Variants in KIAA1217 observed in about 807,000 individuals in gnomAD.
The protein encoded by KIAA1217 is sickle tail protein homolog.
In KIAA1217, 88 loss-of-function variants were observed where a neutral mutation model predicts 163.9. The ratio of observed to expected loss-of-function variants is 0.54; its 90% CI spans 0.45 to 0.64. The LOEUF (loss-of-function observed/expected upper bound fraction) is 0.64, where lower values mean the gene tolerates loss of function less well. KIAA1217 is among the 30% of genes least tolerant of loss of function. KIAA1217 has a pLI of 0.00. For synonymous variants in KIAA1217, 903 were observed against 923.1 expected, an observed-to-expected ratio of 0.98 and a Z score of 0.39; for missense variants, 2,372 against 2,475.0, an observed-to-expected ratio of 0.96 and a Z score of 0.88.
At chr10:23,951,039 T>A (rs1844313035) in intron 1 of KIAA1217, among the ~76,000 whole-genome samples, 1 of 152,200 alleles carries the variant, frequency 6.6e-6, no homozygotes. Context: ...AATTATGGTC[T>A]AGTATAAGAG....
intron 1 of KIAA1217, among the ~76,000 whole-genome samples, chr10:23,764,236 A>G (rs557617172): frequency 1.8e-4 from 27 of 152,356 alleles, no homozygotes; most frequent in Admixed American, 7.2e-4. Context: ...AAGAAATGAA[A>G]ATAAAAACCA....
intron 2 of KIAA1217, among the ~76,000 whole-genome samples, chr10:24,135,798 T>A (rs1291367949): frequency 6.6e-6 from 1 of 152,186 alleles, no homozygotes; most frequent in East Asian, 1.9e-4. Flanking sequence ...TTTCTCCGTG[T>A]ATCAAATAGG....
intron 1 of KIAA1217, among the ~76,000 whole-genome samples, chr10:23,737,727 TTGTGAG>T (rs1838893210): frequency 6.6e-6 from 1 of 152,324 alleles, no homozygotes; most frequent in South Asian, 2.1e-4. Flanking sequence ...TTATTTACAT[TTGTGAG>T]AATACATTAT....
intron 2 of KIAA1217, among the ~76,000 whole-genome samples, chr10:24,014,905 A>G (rs1847404659): frequency 6.6e-6 from 1 of 152,124 alleles, no homozygotes; most frequent in Non-Finnish European, 1.5e-5. Context: ...TGAGAATTAA[A>G]CAGAATACAG....
chr10:23,984,103 T>G (rs1370917996), intron 1 of KIAA1217, among the ~76,000 whole-genome samples: 1 of 152,206 alleles, frequency 6.6e-6, no homozygotes, highest in East Asian at 1.9e-4. Context: ...TAAAAGAATA[T>G]TCTTTGATTA....
chr10:23,931,750 G>A, intron 1 of KIAA1217, among the ~76,000 whole-genome samples: 1 of 152,160 alleles, frequency 6.6e-6, no homozygotes, highest in Non-Finnish European at 1.5e-5. Flanking sequence ...ATATATGGCA[G>A]ATATGCAGTT....
chr10:24,002,737 T>C (rs1472455409), intron 1 of KIAA1217, among the ~76,000 whole-genome samples: 3 of 152,174 alleles, frequency 2.0e-5, no homozygotes, highest in Non-Finnish European at 4.4e-5. Flanking sequence ...TCTGAGATTT[T>C]GGTGCACCTG....
chr10:24,316,201 T>C (rs2043344787), intron 2 of KIAA1217, among the ~76,000 whole-genome samples: 1 of 152,168 alleles, frequency 6.6e-6, no homozygotes, highest in South Asian at 2.1e-4. Flanking sequence ...GAGCTGTTCA[T>C]CAGTTGTTAA....
chr10:24,406,979 C>A (rs756432841), intron 3 of KIAA1217, among the ~76,000 whole-genome samples: 4 of 152,146 alleles, frequency 2.6e-5, no homozygotes, highest in Non-Finnish European at 4.4e-5. Flanking sequence ...ACTGGGTGAG[C>A]GCAGAGCCTT....
chr10:24,026,627 T>C (rs1286647224), intron 2 of KIAA1217, among the ~76,000 whole-genome samples: 1 of 151,770 alleles, frequency 6.6e-6, no homozygotes, highest in East Asian at 1.9e-4. Flanking sequence ...GTGATTCTCC[T>C]TTTTTTCTCA....
chr10:23,771,756 G>T (rs1241044427), intron 1 of KIAA1217, among the ~76,000 whole-genome samples: 2 of 152,152 alleles, frequency 1.3e-5, no homozygotes, highest in Admixed American at 1.3e-4. Context: ...CTTGGAAGTG[G>T]CACATATCAC....
In KIAA1217 at chr10:24,438,445, A is replaced by G; in HGVS notation, c.812A>G (p.Asn271Ser). ...AACAAGGATCCTGCACATGCGTTTA[A>G]TCACACACCAAAAACTATGAATGGA... is the stretch of plus-strand genomic sequence containing the variant. Reference protein sequence around the residue: ...VYNKDPAHAFNHTPKTMNGDM... With the variant: ...VYNKDPAHAFSHTPKTMNGDM... Residue 271 changes from asparagine to serine, a missense_variant, in exon 5 of 21, where the codon AAT becomes AGT. Physicochemically the swap from Asn to Ser is conservative, Grantham distance 46. This residue lies in a region of KIAA1217 where 1,431 missense variants were observed against 1,470.3 expected (regional missense o/e 0.97). Transcript: ENST00000376454. 6.2e-7 allele frequency: 1 copy of G among 1,613,228 alleles called. No homozygotes were observed. Among genetic ancestry groups the G allele is most frequent in the Non-Finnish European group, 8.5e-7 (1 of 1,179,174 alleles).
intron 2 of KIAA1217, among the ~76,000 whole-genome samples, chr10:24,022,776 A>G (rs1274850319): frequency 6.6e-6 from 1 of 151,762 alleles, no homozygotes; most frequent in Admixed American, 6.6e-5. Flanking sequence ...TTATGTAGTG[A>G]TAAAAATCAA....
At position 24,381,042 on chromosome 10, in the gene KIAA1217, C is replaced by T. The variant is rs750763828; in HGVS notation, c.528C>T (p.Thr176=). 8.9e-6 allele frequency: 14 copies of T among 1,578,868 alleles called. No individual in the cohort carries two copies. Among genetic ancestry groups the T allele is most frequent in the African/African-American group, 1.4e-5 (1 of 73,580 alleles). The change falls in exon 3 of 21, where the codon ACC becomes ACT. Residue 176 remains threonine, a synonymous_variant. Transcript: ENST00000376454. ...TRASLPVVRS[T]NQTKERSLGV... Reference sequence around the variant, plus strand: ...CGAGCCTTCCTGTGGTGAGGTCAACCAACCAGACGAAAGAAAGATCTCTGG... The same window carrying T: ...CGAGCCTTCCTGTGGTGAGGTCAACTAACCAGACGAAAGAAAGATCTCTGG...
intron 2 of KIAA1217, among the ~76,000 whole-genome samples, chr10:24,168,897 A>G (rs545931847): frequency 6.1e-4 from 93 of 152,344 alleles, no homozygotes; most frequent in Non-Finnish European, 1.2e-3. Flanking sequence ...TGGATCATCA[A>G]GCAGTGGCTC....
intron 3 of KIAA1217, among the ~76,000 whole-genome samples, chr10:24,426,730 G>A (rs1402156363): frequency 2.0e-5 from 3 of 152,198 alleles, no homozygotes; most frequent in Non-Finnish European, 4.4e-5. Context: ...AGTAGTAATG[G>A]GGGAAGATTG....
chr10:24,527,073 T>C (rs181972433), intron 13 of KIAA1217, among the ~76,000 whole-genome samples: 1 of 152,282 alleles, frequency 6.6e-6, no homozygotes, highest in Admixed American at 6.5e-5. Flanking sequence ...TTAAAAAGTA[T>C]GCAGATGTTT....
intron 1 of KIAA1217, among the ~76,000 whole-genome samples, chr10:23,948,382 G>T (rs966995497): frequency 1.5e-4 from 23 of 152,270 alleles, no homozygotes; most frequent in Admixed American, 3.3e-4. Flanking sequence ...GCTTACCAGG[G>T]TTTCAAATTT....
intron 1 of KIAA1217, among the ~76,000 whole-genome samples, chr10:23,868,578 A>T (rs979027090): frequency 6.6e-6 from 1 of 152,106 alleles, no homozygotes; most frequent in Non-Finnish European, 1.5e-5. Flanking sequence ...CTTCTGAAGG[A>T]TGACATTTTC....
Sources: gnomAD v4.1 joint callset for allele counts (sites outside exome capture counted in the v4.1 genomes callset) on GRCh38, gnomAD v4.1.1 for gene constraint, gnomAD v4.1.1 regional missense constraint, MANE v1.5 for transcripts, NCBI Gene and HGNC (gene_info 2026-07-23, HGNC 2026-07-21) for gene names.